Variants in CCDC171 observed in about 807,000 individuals in gnomAD.
CCDC171 encodes coiled-coil domain containing 171.
CCDC171 carries 177 observed loss-of-function variants against 168.2 expected under a neutral mutation model. That is an observed-to-expected ratio of 1.05 (90% confidence interval 0.93 to 1.19). The LOEUF is 1.19. Among genes scored for constraint, CCDC171 ranks in the 50% most tolerant of loss-of-function variants. The probability of loss-of-function intolerance (pLI) is 0.00; values close to 1 mark genes in which losing one functional copy is unlikely to be tolerated. For missense variants in CCDC171, 1,991 were observed against 1,539.0 expected (o/e 1.29, Z -4.91); for synonymous variants, 687 against 540.8 (o/e 1.27, Z -3.75).
chr9:15,743,707 T>G, intron 16 of CCDC171, among the ~76,000 whole-genome samples: 1 of 152,224 alleles, frequency 6.6e-6, no homozygotes, highest in East Asian at 1.9e-4. Context: ...GTGTATAGCT[T>G]TCTGTCATGG....
At chr9:15,723,827 G>C (rs1350879736) in intron 13 of CCDC171, 81 bp downstream of exon 13, 2 of 608,048 alleles carry the variant, frequency 3.3e-6, no homozygotes, top group Non-Finnish European at 5.5e-6. Context: ...TAGAGATATT[G>C]AGGTACCTGA....
intron 4 of CCDC171, among the ~76,000 whole-genome samples, chr9:15,585,496 A>G (rs2041484464): frequency 6.6e-6 from 1 of 152,224 alleles, no homozygotes; most frequent in South Asian, 2.1e-4. Context: ...GACATCCTGT[A>G]TGGTTCCATT....
the CCDC171 span, among the ~76,000 whole-genome samples, chr9:16,083,238 C>A: frequency 6.6e-6 from 1 of 152,108 alleles, no homozygotes; most frequent in Admixed American, 6.5e-5. Context: ...TTTATCCTCG[C>A]GATAATCCTG....
chr9:16,013,222 G>T (rs1832920285), intron 3 of CCDC171, among the ~76,000 whole-genome samples: 1 of 152,122 alleles, frequency 6.6e-6, no homozygotes, highest in Admixed American at 6.5e-5. Context: ...AGGCCTTGAG[G>T]ATTCCTCCTG....
intron 21 of CCDC171, among the ~76,000 whole-genome samples, chr9:15,798,785 G>T (rs780439489): frequency 6.6e-6 from 1 of 152,066 alleles, no homozygotes; most frequent in Non-Finnish European, 1.5e-5. Context: ...TGACTGTGTA[G>T]TTTTTACAGG....
chr9:15,882,393 C>T (rs899113674), intron 24 of CCDC171, among the ~76,000 whole-genome samples: 29 of 152,142 alleles, frequency 1.9e-4, no homozygotes, highest in African/African-American at 6.3e-4. Context: ...TGTGGGTTGT[C>T]TCTTCACTTT....
At chr9:16,072,113 G>C in the CCDC171 span, among the ~76,000 whole-genome samples, 1 of 152,154 alleles carries the variant, frequency 6.6e-6, no homozygotes, top group Non-Finnish European at 1.5e-5. Context: ...AAAACAGACT[G>C]ATCTTATGTA....
chr9:15,960,348 T>C (rs1830222559), intron 25 of CCDC171, among the ~76,000 whole-genome samples: 1 of 152,158 alleles, frequency 6.6e-6, no homozygotes, highest in Admixed American at 6.6e-5. Flanking sequence ...ATTTGGCACA[T>C]CATAGGCACT....
At position 15,745,559 on chromosome 9, in the gene CCDC171, C is replaced by T. The variant is rs778515156; in HGVS notation, c.2599C>T (p.Leu867Phe). The T allele has an allele frequency of 6.3e-7, 1 of 1,589,232 alleles. No homozygotes were observed. The highest frequency in any genetic ancestry group is 1.8e-5 in the Admixed American group (1 of 55,256). Residue 867 changes from leucine to phenylalanine, a missense_variant, in exon 18 of 26, where the codon CTC (leucine) becomes TTC (phenylalanine). Physicochemically the swap from Leu to Phe is conservative, Grantham distance 22. Coordinates refer to ENST00000380701, the MANE Select transcript of CCDC171 (RefSeq NM_173550.4). The part of the protein sequence containing the change: ...QLRCLQALSW[L>F]TSSDLLAAII... ...GCGTTGTTTACAAGCGCTCAGTTGGCTCACCAGTTCTGACCTTCTTGCTGC... is the reference window on the plus strand; with the variant it reads ...GCGTTGTTTACAAGCGCTCAGTTGGTTCACCAGTTCTGACCTTCTTGCTGC...
chr9:15,674,197 G>C (rs2133312291), intron 9 of CCDC171, among the ~76,000 whole-genome samples: 2 of 152,202 alleles, frequency 1.3e-5, no homozygotes, highest in South Asian at 4.1e-4. Flanking sequence ...TGTGGGATCG[G>C]TGGTGAGATC....
intron 16 of CCDC171, among the ~76,000 whole-genome samples, chr9:15,743,320 T>C (rs2134616832): frequency 6.6e-6 from 1 of 151,884 alleles, no homozygotes; most frequent in African/African-American, 2.4e-5. Flanking sequence ...TGTACACCAC[T>C]ATTCCTGTCT....
the CCDC171 span, among the ~76,000 whole-genome samples, chr9:16,097,805 G>A: frequency 2.0e-5 from 3 of 152,250 alleles, no homozygotes; most frequent in Admixed American, 6.5e-5. Context: ...CTGTGTTATC[G>A]GTGAGAATCC....
chr9:16,090,631 G>A, the CCDC171 span, among the ~76,000 whole-genome samples: 1 of 152,136 alleles, frequency 6.6e-6, no homozygotes, highest in African/African-American at 2.4e-5. Flanking sequence ...ACCAATGGTG[G>A]CCTCACTTTT....
chr9:15,628,459 G>A (rs1164466158), intron 7 of CCDC171, among the ~76,000 whole-genome samples: 3 of 152,190 alleles, frequency 2.0e-5, no homozygotes, highest in East Asian at 1.9e-4. Flanking sequence ...ACTGCAAGGC[G>A]GCAGCGAGGC....
At chr9:15,947,864 G>T (rs1828607103) in intron 25 of CCDC171, among the ~76,000 whole-genome samples, 1 of 150,640 alleles carries the variant, frequency 6.6e-6, no homozygotes, top group Non-Finnish European at 1.5e-5. Flanking sequence ...TAGAGTACAT[G>T]TGCACAATGT....
intron 6 of CCDC171, among the ~76,000 whole-genome samples, chr9:16,035,030 T>C (rs1305149241): frequency 1.3e-5 from 2 of 152,228 alleles, no homozygotes; most frequent in Non-Finnish European, 2.9e-5. Flanking sequence ...CCAAGACCTT[T>C]GACGTCTCCG....
At chr9:16,028,536 T>C (rs990933936) in intron 6 of CCDC171, among the ~76,000 whole-genome samples, 3 of 152,234 alleles carry the variant, frequency 2.0e-5, no homozygotes, top group African/African-American at 7.2e-5. Flanking sequence ...GTTGTTTATC[T>C]GAAATAAAAA....
intron 3 of CCDC171, among the ~76,000 whole-genome samples, chr9:15,574,135 C>G (rs903922148): frequency 1.3e-5 from 2 of 150,986 alleles, no homozygotes; most frequent in Non-Finnish European, 2.9e-5. Context: ...TATTTCTTTT[C>G]TTTCTCTTTT....
Position 15,921,352 on chromosome 9 carries a change from C to T in CCDC171, c.3753+930C>T, listed in dbSNP as rs116525599. On this transcript the variant is annotated intron_variant, in intron 25 of 25. Transcript: ENST00000380701. ...TTCAAAATCACAACCATCAACTCTC[C>T]CTGCCCCCTGAAAAACTGTCTCTCT... 1.5e-3 allele frequency among the ~76,000 whole-genome samples: 230 copies of T among 151,744 alleles called. 1 individual carries two copies. Among genetic ancestry groups the T allele is most frequent in the African/African-American group, 5.4e-3 (225 of 41,488 alleles).
Sources: allele counts gnomAD v4.1 joint callset (sites outside exome capture counted in the v4.1 genomes callset), GRCh38; gene constraint gnomAD v4.1.1; transcripts MANE v1.5; gene names NCBI Gene and HGNC (gene_info 2026-07-23, HGNC 2026-07-21).